The following AFDN variants were observed in gnomAD, a reference collection of about 807,000 sequenced individuals.
The protein encoded by AFDN is afadin, adherens junction formation factor.
In AFDN, 68 loss-of-function variants were observed where a neutral mutation model predicts 216.6. The observed-to-expected ratio is 0.31, with a 90% CI of 0.26 to 0.38. The LOEUF is 0.38. Ranked by LOEUF, AFDN falls within the 10% of genes least tolerant of loss-of-function variation. The pLI is 1.00. For synonymous variants in AFDN, 868 were observed against 853.7 expected, an observed-to-expected ratio of 1.02 and a Z score of -0.29; for missense variants, 2,136 against 2,342.0, an observed-to-expected ratio of 0.91 and a Z score of 1.82.
In AFDN at chr6:167,918,784, T is replaced by C. The variant is rs749268498; in HGVS notation, c.2759T>C (p.Leu920Pro). The C allele has an allele frequency of 6.2e-7, 1 of 1,613,770 alleles. No individual in the cohort carries two copies. The highest frequency in any genetic ancestry group is 8.5e-7 in the Non-Finnish European group (1 of 1,179,738). ...GTGGCTGAAAACACTGCCGATGAGC[T>C]GGCCCGCAGTGATGGAAGGGAAGTG... ...VTVAENTADE[L>P]ARSDGREVQL... is the part of the protein sequence containing the mutation. The change falls in exon 21 of 34, where the codon CTG becomes CCG. Residue 920 changes from leucine to proline, a missense_variant. By Grantham distance (98) the Leu-to-Pro change is moderately conservative. Coordinates refer to ENST00000683244, the MANE Select transcript of AFDN (RefSeq NM_001386888.1).
At chr6:167,891,406 T>TGG (rs773825332) in intron 8 of AFDN, among the ~76,000 whole-genome samples, 3 of 77,226 alleles carry the variant, frequency 3.9e-5, no homozygotes, top group Non-Finnish European at 5.5e-5. Context: ...CATAAAGGGG[T>TGG]GGGTGTGTGT....
rs57383020 is a variant in AFDN, at chr6:167,897,642, C to CTTTTTTT, written c.1318-544_1318-538dup. 4.3e-3 allele frequency among the ~76,000 whole-genome samples: 388 copies of CTTTTTTT among 89,718 alleles called. 22 individuals carry two copies. The highest frequency in any genetic ancestry group is 8.8e-3 in the South Asian group (21 of 2,394). The allele number at this position is 89,718 out of a possible 152,430, so 58.9% of individuals were successfully genotyped here. On this transcript the variant is annotated intron_variant, in intron 10 of 33. Transcript: ENST00000683244. ...AATATTGGTTAAGATGACTGTATGCCTTTTTTTTTTTTTTTTTTTTTTTTT... is the reference window on the plus strand; with the variant it reads ...AATATTGGTTAAGATGACTGTATGCCTTTTTTTTTTTTTTTTTTTTTTTTTTTTTTTT...
At chr6:167,931,412 C>T (rs760364050) in intron 23 of AFDN, among the ~76,000 whole-genome samples, 39 of 151,958 alleles carry the variant, frequency 2.6e-4, no homozygotes, top group Admixed American at 1.5e-3. Flanking sequence ...TAGTGAAGCT[C>T]AGAAGGTTAG....
At chr6:167,830,933 CTTTTTTTT>C (rs71681602) in intron 1 of AFDN, among the ~76,000 whole-genome samples, 5 of 79,336 alleles carry the variant, frequency 6.3e-5, no homozygotes, top group South Asian at 5.6e-4. Context: ...ATATTTGAAA[CTTTTTTTT>C]TTTTTTTTTT....
chr6:167,961,455 G>T (rs1040683325), intron 30 of AFDN, among the ~76,000 whole-genome samples: 1 of 152,172 alleles, frequency 6.6e-6, no homozygotes, highest in Non-Finnish European at 1.5e-5. Flanking sequence ...TTAATCCAGG[G>T]TTCCTCTTTA....
At chr6:167,940,535 A>G (rs1462846670) in intron 23 of AFDN, among the ~76,000 whole-genome samples, 34 of 35,320 alleles carry the variant, frequency 9.6e-4, no homozygotes, top group African/African-American at 1.7e-3. Context: ...CACAGGAGAG[A>G]TGTGTGGACA....
At chr6:167,882,188 G>A (rs1786200020) in intron 6 of AFDN, among the ~76,000 whole-genome samples, 2 of 152,078 alleles carry the variant, frequency 1.3e-5, no homozygotes, top group Admixed American at 6.5e-5. Flanking sequence ...AAAAGAAACA[G>A]ACGGAGAAAG....
At chr6:167,920,054 TA>T (rs1378591983) in intron 21 of AFDN, among the ~76,000 whole-genome samples, 3 of 152,370 alleles carry the variant, frequency 2.0e-5, no homozygotes, top group African/African-American at 7.2e-5. Context: ...GCAAAACAGT[TA>T]CCTCTGAGCC....
Position 167,915,319 on chromosome 6 carries a change from G to C in AFDN, c.2451G>C (p.Leu817=). 1.2e-6 allele frequency: 2 copies of C among 1,614,230 alleles called. No individual in the cohort carries two copies. The highest frequency in any genetic ancestry group is 1.7e-6 in the Non-Finnish European group (2 of 1,180,048). Residue 817 remains leucine, a synonymous_variant, in exon 19 of 34, where the codon CTG becomes CTC. Transcript: ENST00000683244. ...NRLVTDPDSG[L]CSHYWGAIIR... is the part of the protein sequence containing the mutation. Reference sequence around the variant, plus strand: ...TGGTGACCGACCCAGATTCGGGGCTGTGCTCCCATTACTGGGGTGCGATTA... The same window carrying C: ...TGGTGACCGACCCAGATTCGGGGCTCTGCTCCCATTACTGGGGTGCGATTA...
At chr6:167,873,357 A>G (rs746606765) in intron 4 of AFDN, among the ~76,000 whole-genome samples, 4 of 152,158 alleles carry the variant, frequency 2.6e-5, no homozygotes, top group Non-Finnish European at 5.9e-5. Flanking sequence ...TATTTTTTCC[A>G]CTAAGATGTT....
At chr6:167,848,485 C>T (rs1265556136) in intron 1 of AFDN, among the ~76,000 whole-genome samples, 2 of 151,882 alleles carry the variant, frequency 1.3e-5, no homozygotes, top group East Asian at 3.9e-4. Flanking sequence ...TATCTCTGTC[C>T]CTATCCAGAG....
rs761827604 is a variant in AFDN at position 167,943,409 on chromosome 6, G to A, written c.3173G>A (p.Arg1058His). 5.0e-6 allele frequency: 8 copies of A among 1,613,976 alleles called. No homozygotes were observed. Among genetic ancestry groups the A allele is most frequent in the Admixed American group, 1.7e-5 (1 of 60,012 alleles). Residue 1058 changes from arginine to histidine, a missense_variant, in exon 25 of 34, where the codon CGT becomes CAT. By Grantham distance (29) the Arg-to-His change is conservative. Coordinates refer to ENST00000683244, the MANE Select transcript of AFDN (RefSeq NM_001386888.1). ...VKGGAADVDG[R>H]LAAGDQLLSV... is the part of the protein sequence containing the mutation. ...ACCTGTGGATTTGCCTAGGATGGAC[G>A]TCTAGCTGCAGGTGATCAGCTCCTC...
intron 17 of AFDN, 106 bp downstream of exon 17, chr6:167,914,419 A>G: frequency 7.1e-7 from 1 of 1,411,346 alleles, no homozygotes; most frequent in Non-Finnish European, 9.6e-7. Flanking sequence ...ACCTTGATTG[A>G]AGGTGAATAT....
intron 1 of AFDN, among the ~76,000 whole-genome samples, chr6:167,834,141 G>A (rs1010310120): frequency 1.3e-5 from 2 of 152,014 alleles, no homozygotes; most frequent in African/African-American, 2.4e-5. Context: ...GGAACAAGAG[G>A]TATATGGTTA....
intron 22 of AFDN, among the ~76,000 whole-genome samples, chr6:167,923,360 T>C (rs912848916): frequency 2.6e-4 from 39 of 152,216 alleles, no homozygotes; most frequent in Non-Finnish European, 5.9e-5. Flanking sequence ...ATATTTTATA[T>C]CTTTTTGAAA....
chr6:167,861,857 T>C (rs1308629501), intron 1 of AFDN, among the ~76,000 whole-genome samples: 3 of 152,242 alleles, frequency 2.0e-5, no homozygotes, highest in African/African-American at 7.2e-5. Flanking sequence ...GCCTGTTTTA[T>C]TCTGATCACA....
At position 167,902,376 on chromosome 6, in the gene AFDN, C is replaced by A; in HGVS notation, c.1640C>A (p.Pro547Gln). The A allele has an allele frequency of 1.9e-6, 3 of 1,611,590 alleles. No homozygotes were observed. The South Asian group carries it at 3.3e-5, about 18-fold the overall frequency. Reference sequence around the variant, plus strand: ...GATATTCATAGTGGGACAGCATTACCGACAAGCAAGGTAGGTAATTATGGA... The same window carrying A: ...GATATTCATAGTGGGACAGCATTACAGACAAGCAAGGTAGGTAATTATGGA... ...GGDIHSGTAL[P>Q]TSKSTTRLDS... The change falls in exon 12 of 34, where the codon CCG becomes CAG. Residue 547 changes from proline to glutamine, a missense_variant. Around this residue, in one of 8 missense-constraint regions of AFDN, gnomAD observed 817 missense variants for 965.7 expected, o/e 0.85. Transcript: ENST00000683244.
At chr6:167,880,699 A>G (rs908419280) in intron 6 of AFDN, among the ~76,000 whole-genome samples, 182 bp downstream of exon 6, 1 of 152,194 alleles carries the variant, frequency 6.6e-6, no homozygotes, top group Non-Finnish European at 1.5e-5. Context: ...AAAGCAATAC[A>G]TATTTCTATT....
intron 1 of AFDN, among the ~76,000 whole-genome samples, chr6:167,856,998 G>A (rs1468063940): frequency 1.3e-5 from 2 of 152,050 alleles, no homozygotes; most frequent in Non-Finnish European, 2.9e-5. Flanking sequence ...TTGTAAGAAA[G>A]ATGTTTACTA....
Sources: gnomAD v4.1 joint callset for allele counts (sites outside exome capture counted in the v4.1 genomes callset) on GRCh38, gnomAD v4.1.1 for gene constraint, gnomAD v4.1.1 regional missense constraint, MANE v1.5 for transcripts, NCBI Gene and HGNC (gene_info 2026-07-23, HGNC 2026-07-21) for gene names.